Variants in SLC44A1 observed in about 807,000 individuals in gnomAD.
The protein encoded by SLC44A1 is choline transporter-like protein 1.
Under a neutral mutation model 79.3 loss-of-function variants are expected in SLC44A1, and 26 were observed. The ratio of observed to expected loss-of-function variants is 0.33; its 90% CI spans 0.24 to 0.46. The LOEUF is 0.46. Among genes scored for constraint, SLC44A1 ranks in the 20% least tolerant of loss-of-function variants. SLC44A1 has a pLI of 1.00. For missense variants in SLC44A1, 688 were observed against 798.1 expected (o/e 0.86, Z 1.66); for synonymous variants, 263 against 286.2 (o/e 0.92, Z 0.82).
chr9:105,361,248 C>T lies in SLC44A1; in HGVS notation c.818C>T (p.Thr273Ile). Residue 273 changes from threonine to isoleucine, a missense_variant, in exon 8 of 16, where the codon ACT becomes ATT. Transcript: ENST00000374720. Reference protein sequence around the residue: ...YAKQRRSPKETVTPEQLQIAE... With the variant: ...YAKQRRSPKEIVTPEQLQIAE... ...AAGCAAAGAAGGTCTCCCAAAGAAACTGTTACTCCTGAGCAGCTTCAGATA... is the reference window on the plus strand; with the variant it reads ...AAGCAAAGAAGGTCTCCCAAAGAAATTGTTACTCCTGAGCAGCTTCAGATA... 3.1e-6 allele frequency: 5 copies of T among 1,614,018 alleles called. No individual in the cohort carries two copies. Among genetic ancestry groups the T allele is most frequent in the Non-Finnish European group, 4.2e-6 (5 of 1,179,870 alleles).
chr9:105,428,927 A>G (rs1382253682), intron 15 of SLC44A1, among the ~76,000 whole-genome samples: 2 of 152,156 alleles, frequency 1.3e-5, no homozygotes, highest in African/African-American at 4.8e-5. Flanking sequence ...GATGGTCTCG[A>G]TCTCCTGACC....
chr9:105,264,487 A>G (rs1829914454), intron 1 of SLC44A1, among the ~76,000 whole-genome samples: 1 of 152,152 alleles, frequency 6.6e-6, no homozygotes. Flanking sequence ...TCTTCATCTT[A>G]TGACTAAGTG....
Position 105,383,155 on chromosome 9 carries a change from G to A in SLC44A1, c.1665G>A (p.Gly555=), listed in dbSNP as rs781423513. The A allele has an allele frequency of 5.0e-6, 8 of 1,613,908 alleles. No homozygotes were observed. The highest frequency in any genetic ancestry group is 6.8e-6 in the Non-Finnish European group (8 of 1,179,898). Residue 555 remains glycine (G), a synonymous_variant, in exon 14 of 16, where the codon GGG becomes GGA. Coordinates refer to ENST00000374720, the MANE Select transcript of SLC44A1 (RefSeq NM_080546.5). ...VLIVCSTGLA[G]IMLLNYQQDY... is the part of the protein sequence containing the mutation. ...TAGTCTGCAGCACAGGTTTAGCTGG[G>A]ATTATGCTGCTCAACTACCAGCAGG...
chr9:105,279,317 CTTT>C (rs35697234), intron 1 of SLC44A1, among the ~76,000 whole-genome samples: 5 of 133,312 alleles, frequency 3.8e-5, no homozygotes, highest in Admixed American at 7.5e-5. Context: ...GAAAAGAAAA[CTTT>C]TTTTTTTTTT....
intron 15 of SLC44A1, among the ~76,000 whole-genome samples, chr9:105,423,759 G>A (rs1299285092): frequency 6.6e-6 from 1 of 152,118 alleles, no homozygotes; most frequent in Non-Finnish European, 1.5e-5. Flanking sequence ...CTTTCAACTT[G>A]TCATTTTGAG....
At chr9:105,317,146 G>T (rs773906127) in intron 3 of SLC44A1, among the ~76,000 whole-genome samples, 1 of 152,122 alleles carries the variant, frequency 6.6e-6, no homozygotes, top group Non-Finnish European at 1.5e-5. Context: ...TCAGCTTCTG[G>T]AGGTAACATA....
intron 15 of SLC44A1, among the ~76,000 whole-genome samples, chr9:105,388,449 G>A (rs1298220991): frequency 2.0e-5 from 3 of 152,178 alleles, no homozygotes; most frequent in African/African-American, 7.2e-5. Context: ...CATTGCTGCT[G>A]TTTGAATTCA....
Position 105,389,082 on chromosome 9 carries a change from A to G in SLC44A1, c.*26A>G, listed in dbSNP as rs1828700063. The G allele has an allele frequency of 6.2e-7, 1 of 1,612,894 alleles. No homozygotes were observed. The highest frequency in any genetic ancestry group is 8.5e-7 in the Non-Finnish European group (1 of 1,179,216). ...ACCTAGCCGACGGTTATGGAAACCC[A>G]TTGACATTCCAAAACAATATATACA... is the stretch of plus-strand genomic sequence containing the variant. On this transcript the variant is annotated 3_prime_UTR_variant, in exon 16 of 16. Transcript: ENST00000374720.
intron 4 of SLC44A1, among the ~76,000 whole-genome samples, chr9:105,344,768 A>G (rs1827198514): frequency 6.6e-6 from 1 of 152,170 alleles, no homozygotes; most frequent in African/African-American, 2.4e-5. Flanking sequence ...TTGCATTATA[A>G]AAATAGAGAT....
chr9:105,250,329 T>C (rs1829554767), intron 1 of SLC44A1, among the ~76,000 whole-genome samples: 1 of 152,200 alleles, frequency 6.6e-6, no homozygotes, highest in Admixed American at 6.5e-5. Flanking sequence ...CTTAGAATGC[T>C]TCCAGGCTTA....
rs138721122 is a variant in SLC44A1, at chr9:105,267,538, A to C, written c.36+22634A>C. Among the ~76,000 whole-genome samples, 11 of 152,152 alleles carry C rather than the reference A, an allele frequency of 7.2e-5. No homozygotes were observed. In the East Asian group the frequency reaches 2.1e-3, roughly 29 times the overall value. On this transcript the variant is annotated intron_variant, in intron 1 of 15. Transcript: ENST00000374720. ...ACAATGCAATAGATTTCCTTAATTT[A>C]CCTTTCAGTATTTCTATTGTGTTTT...
intron 1 of SLC44A1, among the ~76,000 whole-genome samples, chr9:105,265,544 G>C (rs1396400585): frequency 2.0e-5 from 3 of 152,174 alleles, no homozygotes; most frequent in Non-Finnish European, 4.4e-5. Flanking sequence ...AAGAACACGG[G>C]GTTGTTTCCA....
rs1183663041 is a variant in SLC44A1 at position 105,396,261 on chromosome 9, C to T, written c.*7205C>T. 1 of 984,872 alleles carries T rather than the reference C, an allele frequency of 1.0e-6. No homozygotes were observed. The highest frequency in any genetic ancestry group is 1.1e-4 in the East Asian group (1 of 8,824). 61.0% of individuals were successfully genotyped at this position (984,872 alleles called of 1,614,324 possible). A position where few individuals can be genotyped will look rare whatever the true frequency, so the allele number is the denominator to read the frequency against. ...ATATTCTGGACCACTGAATGCACTTCTAATAGAGCTTTAATCTAAAGAAGT... is the reference window on the plus strand; with the variant it reads ...ATATTCTGGACCACTGAATGCACTTTTAATAGAGCTTTAATCTAAAGAAGT... On this transcript the variant is annotated 3_prime_UTR_variant, in exon 16 of 16. Coordinates refer to ENST00000374720, the MANE Select transcript of SLC44A1 (RefSeq NM_080546.5).
chr9:105,272,220 T>A (rs1830094622), intron 1 of SLC44A1, among the ~76,000 whole-genome samples: 1 of 152,210 alleles, frequency 6.6e-6, no homozygotes, highest in Admixed American at 6.5e-5. Context: ...TTTTTAATTG[T>A]ACACCTTATA....
intron 4 of SLC44A1, among the ~76,000 whole-genome samples, 167 bp downstream of exon 4, chr9:105,335,866 C>T (rs1317502185): frequency 6.6e-6 from 1 of 152,152 alleles, no homozygotes; most frequent in Non-Finnish European, 1.5e-5. Context: ...TTGTTAAACT[C>T]CAGATTCCTG....
chr9:105,392,616 C>G lies in SLC44A1; in HGVS notation c.*3560C>G. The stretch of plus-strand genomic sequence containing the variant: ...GCAGAGTTAATACCTCTCCCTCCCT[C>G]TTCAAAACAGCTACAGGAACTGCAG... On this transcript the variant is annotated 3_prime_UTR_variant, in exon 16 of 16. Transcript: ENST00000374720. 1.0e-6 allele frequency: 1 copy of G among 985,380 alleles called. No individual in the cohort carries two copies. Among genetic ancestry groups the G allele is most frequent in the Non-Finnish European group, 1.2e-6 (1 of 829,988 alleles). 61.0% of individuals were successfully genotyped at this position (985,380 alleles called of 1,614,324 possible).
chr9:105,401,113 G>T (rs950012570), downstream of SLC44A1, among the ~76,000 whole-genome samples: 5 of 152,210 alleles, frequency 3.3e-5, no homozygotes, highest in African/African-American at 9.6e-5. Context: ...GCTTGGAAAA[G>T]ATCGGTTTAT....
At chr9:105,263,765 G>A (rs1364643873) in intron 1 of SLC44A1, among the ~76,000 whole-genome samples, 4 of 152,008 alleles carry the variant, frequency 2.6e-5, no homozygotes, top group Non-Finnish European at 5.9e-5. Flanking sequence ...TTGAACTCCT[G>A]ACCTCAGGTG....
chr9:105,288,825 A>C (rs1830536174), intron 1 of SLC44A1, among the ~76,000 whole-genome samples: 1 of 152,232 alleles, frequency 6.6e-6, no homozygotes, highest in African/African-American at 2.4e-5. Context: ...TCTGATTTCT[A>C]GAAATATAAT....
Sources: gnomAD v4.1 joint callset for allele counts (sites outside exome capture counted in the v4.1 genomes callset) on GRCh38, gnomAD v4.1.1 for gene constraint, MANE v1.5 for transcripts, NCBI Gene and HGNC (gene_info 2026-07-23, HGNC 2026-07-21) for gene names.